Variants in CCDC47 observed in about 807,000 individuals in gnomAD.
CCDC47 encodes PAT complex subunit CCDC47.
CCDC47 carries 41 observed loss-of-function variants against 60.5 expected under a neutral mutation model. The observed-to-expected ratio is 0.68, with a 90% confidence interval of 0.53 to 0.88. The LOEUF (loss-of-function observed/expected upper bound fraction) is 0.88, where lower values mean the gene tolerates loss of function less well. Ranked by LOEUF, CCDC47 falls within the 40% of genes least tolerant of loss-of-function variation. The pLI, the probability that CCDC47 is intolerant of heterozygous loss-of-function variation, is 0.00. For missense variants in CCDC47, 513 were observed against 580.9 expected (o/e 0.88, Z 1.20); for synonymous variants, 195 against 190.7 (o/e 1.02, Z -0.18).
At chr17:63,749,954 CAAAAAT>C (rs1383242060) in intron 12 of CCDC47, among the ~76,000 whole-genome samples, 1 of 151,180 alleles carries the variant, frequency 6.6e-6, no homozygotes, top group Non-Finnish European at 1.5e-5. Context: ...GACCCTGTCT[CAAAAAT>C]AAAAATAAAA....
At chr17:63,760,841 A>C in intron 6 of CCDC47, 73 bp downstream of exon 6, 1 of 1,066,482 alleles carries the variant, frequency 9.4e-7, no homozygotes, top group Non-Finnish European at 1.4e-6. Flanking sequence ...TCCATCAAAA[A>C]AAAAAAAAAA....
At position 63,753,709 on chromosome 17, in the gene CCDC47, A is replaced by C. The variant is rs918287305; in HGVS notation, c.1034+724T>G. ...ATGCTAGGAAAGGATACAATCACTT[A>C]ACTATTCAAAGAGGGAAGCCAGAAA... On this transcript the variant is annotated intron_variant, in intron 9 of 12. Transcript: ENST00000225726. 5 of 811,764 alleles carry C rather than the reference A, an allele frequency of 6.2e-6. No homozygotes were observed. The African/African-American group carries it at 9.3e-5, about 15-fold the overall frequency. The allele number at this position is 811,764 out of a possible 1,614,324, so 50.3% of individuals were successfully genotyped here.
intron 12 of CCDC47, among the ~76,000 whole-genome samples, chr17:63,748,845 C>T (rs2039139933): frequency 6.6e-6 from 1 of 151,524 alleles, no homozygotes; most frequent in African/African-American, 2.4e-5. Context: ...GAAACCTCAT[C>T]TCTACTAAAA....
At chr17:63,752,545 A>T in intron 10 of CCDC47, 116 bp from the exon 11 acceptor site, 1 of 771,256 alleles carries the variant, frequency 1.3e-6, no homozygotes, top group Non-Finnish European at 2.0e-6. Context: ...TTTGTTAGGC[A>T]GTTAAAATGC....
intron 1 of CCDC47, among the ~76,000 whole-genome samples, chr17:63,771,012 G>C (rs1021222582): frequency 1.7e-5 from 2 of 116,306 alleles, no homozygotes; most frequent in Admixed American, 9.5e-5. Flanking sequence ...AAGAAAGAAA[G>C]AAAGGAAGGA....
intron 12 of CCDC47, chr17:63,751,707 G>A (rs1304535928): frequency 3.4e-6 from 2 of 582,262 alleles, no homozygotes; most frequent in Non-Finnish European, 6.1e-6. Context: ...ATGAAATTGT[G>A]CTGGGGGAAC....
chr17:63,755,948 A>G (rs1390300813), intron 8 of CCDC47, among the ~76,000 whole-genome samples: 1 of 151,612 alleles, frequency 6.6e-6, no homozygotes, highest in African/African-American at 2.4e-5. Context: ...AAAAGACTAA[A>G]TGACATGACG....
chr17:63,763,274 G>A (rs1019489518), intron 4 of CCDC47, among the ~76,000 whole-genome samples: 5 of 152,260 alleles, frequency 3.3e-5, no homozygotes, highest in Middle Eastern at 3.4e-3. Flanking sequence ...TGTAATCCCA[G>A]CAATTTGGGA....
In CCDC47 at chr17:63,765,727, A is replaced by G. The variant is rs2039292993; in HGVS notation, c.264+185T>C. 3 of 1,402,216 alleles carry G rather than the reference A, an allele frequency of 2.1e-6. No homozygotes were observed. In the Admixed American group the frequency reaches 9.2e-5, roughly 43 times the overall value. 86.9% of individuals were successfully genotyped at this position (1,402,216 alleles called of 1,614,324 possible). ...TTCCAGTCAGGGTTTCAATAGAAGA[A>G]CACAATTCATTCTGTTAATGTAAAA... On this transcript the variant is annotated intron_variant, in intron 2 of 12. Coordinates refer to ENST00000225726, the MANE Select transcript of CCDC47 (RefSeq NM_020198.3).
intron 8 of CCDC47, 60 bp downstream of exon 8, chr17:63,756,180 T>C (rs1437961688): frequency 2.7e-6 from 3 of 1,102,942 alleles, no homozygotes; most frequent in Admixed American, 3.4e-5. Context: ...ATGAGACTTT[T>C]AGGGAGAGTG....
At position 63,766,206 on chromosome 17, in the gene CCDC47, A is replaced by AG; in HGVS notation, c.-19-13dup. 1 of 1,582,882 alleles carries AG rather than the reference A, an allele frequency of 6.3e-7. No homozygotes were observed. Among genetic ancestry groups the AG allele is most frequent in the Non-Finnish European group, 8.5e-7 (1 of 1,169,646 alleles). On this transcript the variant is annotated splice_polypyrimidine_tract_variant and intron_variant, in intron 1 of 12. Transcript: ENST00000225726. ...CTTGAGAAAAAAAGCTTAAAAAAAA[A>AG]GAGAACCCCAAAATGGATTGCCATT...
chr17:63,760,897 G>A lies in CCDC47; in HGVS notation c.735+17C>T, dbSNP rs768320951. On this transcript the variant is annotated intron_variant, in intron 6 of 12. Transcript: ENST00000225726. Reference sequence around the variant, plus strand: ...AATTCAGTCTGTACACAGAAAACCAGCGGGAAGAATACATACCACTTGATC... The same window carrying A: ...AATTCAGTCTGTACACAGAAAACCAACGGGAAGAATACATACCACTTGATC... 6 of 1,565,596 alleles carry A rather than the reference G, an allele frequency of 3.8e-6. No individual in the cohort carries two copies. The African/African-American group carries it at 6.9e-5, about 18-fold the overall frequency.
At position 63,751,962 on chromosome 17, in the gene CCDC47, G is replaced by A. The variant is rs1213101065; in HGVS notation, c.1349C>T (p.Pro450Leu). 6.2e-7 allele frequency: 1 copy of A among 1,613,546 alleles called. No homozygotes were observed. Among genetic ancestry groups the A allele is most frequent in the African/African-American group, 1.3e-5 (1 of 74,844 alleles). Residue 450 changes from proline (P) to leucine (L), a missense_variant, in exon 12 of 13, where the codon CCT (proline) becomes CTT (leucine). Pro to Leu is a moderately conservative substitution (Grantham distance 98). Coordinates refer to ENST00000225726, the MANE Select transcript of CCDC47 (RefSeq NM_020198.3). ...AACCTCCAGCCTGCGCTGTTTCTCA[G>A]GATCTTCCTCATTCATGATTCGCTC... Reference protein sequence around the residue: ...EKERIMNEEDPEKQRRLEEAA... With the variant: ...EKERIMNEEDLEKQRRLEEAA...
At chr17:63,770,639 A>G (rs1304918121) in intron 1 of CCDC47, among the ~76,000 whole-genome samples, 1 of 152,184 alleles carries the variant, frequency 6.6e-6, no homozygotes, top group African/African-American at 2.4e-5. Context: ...AATCAGTTTA[A>G]TATCGAAGGT....
At chr17:63,761,838 T>C (rs1413529309) in intron 4 of CCDC47, 6 of 976,844 alleles carry the variant, frequency 6.1e-6, no homozygotes, top group Non-Finnish European at 7.3e-6. Context: ...CACTGTTCGT[T>C]TTACTTTTAA....
intron 6 of CCDC47, among the ~76,000 whole-genome samples, chr17:63,757,625 G>A (rs915606461): frequency 9.2e-5 from 14 of 152,126 alleles, no homozygotes; most frequent in Non-Finnish European, 1.6e-4. Flanking sequence ...TTGCTATGTA[G>A]TAATAGAACA....
chr17:63,748,237 G>C (rs1449310837), intron 12 of CCDC47, among the ~76,000 whole-genome samples: 2 of 151,298 alleles, frequency 1.3e-5, no homozygotes, highest in Non-Finnish European at 2.9e-5. Flanking sequence ...CTCAGCCCCC[G>C]GAGTAGGTGG....
intron 12 of CCDC47, among the ~76,000 whole-genome samples, chr17:63,750,972 T>A (rs2039159085): frequency 6.6e-6 from 1 of 151,778 alleles, no homozygotes; most frequent in Admixed American, 6.6e-5. Flanking sequence ...TCTCCCAGGT[T>A]CAAGTAATCC....
intron 4 of CCDC47, 31 bp from the exon 5 acceptor site, chr17:63,761,382 C>G (rs1328696731): frequency 1.9e-6 from 3 of 1,612,738 alleles, no homozygotes; most frequent in Middle Eastern, 3.3e-4. Flanking sequence ...TGTGACTCAA[C>G]AGAAAATGTC....
Sources: gnomAD v4.1 joint callset for allele counts (sites outside exome capture counted in the v4.1 genomes callset) on GRCh38, gnomAD v4.1.1 for gene constraint, MANE v1.5 for transcripts, NCBI Gene and HGNC (gene_info 2026-07-23, HGNC 2026-07-21) for gene names.